Variants in PDE1A observed in about 807,000 individuals in gnomAD.
The protein encoded by PDE1A is dual specificity calcium/calmodulin-dependent 3',5'-cyclic nucleotide phosphodiesterase 1A.
A neutral mutation model predicts 61.7 loss-of-function variants in PDE1A; 35 were observed. The observed-to-expected ratio is 0.57, with a 90% CI of 0.43 to 0.75. The LOEUF (loss-of-function observed/expected upper bound fraction) is 0.75. PDE1A is among the 30% of genes least tolerant of loss of function. The pLI is 0.00. For missense variants in PDE1A, 597 were observed against 630.6 expected (o/e 0.95, Z 0.57); for synonymous variants, 232 against 213.2 (o/e 1.09, Z -0.77).
intron 2 of PDE1A, among the ~76,000 whole-genome samples, chr2:182,462,343 ATG>A (rs1250030148): frequency 6.6e-6 from 1 of 151,092 alleles, no homozygotes; most frequent in Non-Finnish European, 1.5e-5. Context: ...ATATATATAT[ATG>A]TATATCTTAT....
chr2:182,685,223 G>A, the PDE1A span, among the ~76,000 whole-genome samples: 13 of 151,830 alleles, frequency 8.6e-5, no homozygotes, highest in African/African-American at 3.1e-4. Flanking sequence ...TGCTTTTAAT[G>A]CCCAATTAAA....
chr2:182,334,695 G>A (rs1429178691), intron 1 of PDE1A, among the ~76,000 whole-genome samples: 3 of 152,050 alleles, frequency 2.0e-5, no homozygotes, highest in Admixed American at 6.6e-5. Context: ...AGCTGGAAGC[G>A]TTCCCTTTCA....
At chr2:182,645,141 A>C in the PDE1A span, among the ~76,000 whole-genome samples, 1 of 151,976 alleles carries the variant, frequency 6.6e-6, no homozygotes, top group African/African-American at 2.4e-5. Flanking sequence ...GCCCGCCACC[A>C]CACCCAGCTA....
At chr2:182,202,862 T>TA (rs1340496074) in intron 8 of PDE1A, among the ~76,000 whole-genome samples, 1 of 152,308 alleles carries the variant, frequency 6.6e-6, no homozygotes, top group East Asian at 1.9e-4. Flanking sequence ...ACAGATAAGT[T>TA]AAAAAAGTCA....
At chr2:182,403,610 A>G (rs990319759) in intron 1 of PDE1A, among the ~76,000 whole-genome samples, 13 of 151,010 alleles carry the variant, frequency 8.6e-5, no homozygotes, top group African/African-American at 2.7e-4. Flanking sequence ...AAAAAAAAAA[A>G]AAAAGAAAAT....
chr2:182,579,104 T>C, the PDE1A span, among the ~76,000 whole-genome samples: 1 of 152,216 alleles, frequency 6.6e-6, no homozygotes, highest in Non-Finnish European at 1.5e-5. Flanking sequence ...TTTTGAAAGC[T>C]CAGAGCCACT....
intron 1 of PDE1A, among the ~76,000 whole-genome samples, chr2:182,351,173 C>A (rs1293559179): frequency 6.6e-6 from 1 of 152,188 alleles, no homozygotes; most frequent in African/African-American, 2.4e-5. Context: ...TAAACTCCAA[C>A]TTTGCCTCGC....
Position 182,352,652 on chromosome 2 carries a change from TG to T in PDE1A, c.53+73925del, listed in dbSNP as rs769427242. Among the ~76,000 whole-genome samples, 566 of 138,118 alleles carry T rather than the reference TG, an allele frequency of 4.1e-3. 5 individuals are homozygous for T. Among genetic ancestry groups the T allele is most frequent in the Non-Finnish European group, 5.9e-3 (359 of 61,088 alleles). 90.6% of individuals were successfully genotyped at this position (138,118 alleles called of 152,430 possible). A position where few individuals can be genotyped will look rare whatever the true frequency, so the allele number is the denominator to read the frequency against. On this transcript the variant is annotated intron_variant, in intron 1 of 13. Transcript: ENST00000351439. ...TACTGGAAAGTGATGCTCACTCTGT[TG>T]TTTTTTTTTTTTCAGTTAATTTTCC...
intron 1 of PDE1A, among the ~76,000 whole-genome samples, chr2:182,379,323 T>C (rs1164675956): frequency 6.6e-6 from 1 of 152,238 alleles, no homozygotes; most frequent in Non-Finnish European, 1.5e-5. Context: ...TCCTTCTCAC[T>C]CTCTCTTCCA....
chr2:182,419,585 C>A (rs1238908678), intron 1 of PDE1A, among the ~76,000 whole-genome samples: 8 of 152,110 alleles, frequency 5.3e-5, no homozygotes, highest in Non-Finnish European at 1.2e-4. Context: ...ATGTAACTGC[C>A]AGAATTTTCA....
At chr2:182,211,394 A>G (rs890271215) in intron 7 of PDE1A, among the ~76,000 whole-genome samples, 74 of 152,328 alleles carry the variant, frequency 4.9e-4, no homozygotes, top group African/African-American at 1.7e-3. Context: ...CCTTTTATCA[A>G]TACTACACTG....
chr2:182,238,266 C>CAAAAAAAAAAAAAAAAAAAAAAA (rs3063250), intron 3 of PDE1A, among the ~76,000 whole-genome samples: 2 of 98,058 alleles, frequency 2.0e-5, no homozygotes, highest in African/African-American at 4.4e-5. Context: ...CAGACTACGT[C>CAAAAAAAAAAAAAAAAAAAAAAA]AAAAAAAAAA....
chr2:182,650,579 T>C, the PDE1A span, among the ~76,000 whole-genome samples: 1 of 152,086 alleles, frequency 6.6e-6, no homozygotes, highest in Non-Finnish European at 1.5e-5. Flanking sequence ...AGAAAGCATC[T>C]CAAAATTCTG....
chr2:182,466,078 C>T (rs930128913), intron 2 of PDE1A, among the ~76,000 whole-genome samples: 1 of 151,574 alleles, frequency 6.6e-6, no homozygotes, highest in Non-Finnish European at 1.5e-5. Flanking sequence ...TTCTTTATTC[C>T]TAAGGTCTTG....
intron 10 of PDE1A, among the ~76,000 whole-genome samples, chr2:182,194,892 CACA>C: frequency 1.4e-5 from 2 of 141,102 alleles, no homozygotes; most frequent in Non-Finnish European, 3.0e-5. Flanking sequence ...CACACACACA[CACA>C]CACACACACA....
chr2:182,206,875 T>C (rs1687150666), intron 7 of PDE1A, among the ~76,000 whole-genome samples: 1 of 152,168 alleles, frequency 6.6e-6, no homozygotes, highest in East Asian at 1.9e-4. Context: ...CATGTGAAGA[T>C]GTGCTTACTT....
At chr2:182,544,244 T>TA in the PDE1A span, among the ~76,000 whole-genome samples, 2 of 152,134 alleles carry the variant, frequency 1.3e-5, no homozygotes, top group African/African-American at 4.8e-5. Flanking sequence ...CTACTGAAAT[T>TA]AAAGCAGGGC....
chr2:182,543,792 A>G, the PDE1A span, among the ~76,000 whole-genome samples: 1 of 152,174 alleles, frequency 6.6e-6, no homozygotes, highest in South Asian at 2.1e-4. Flanking sequence ...TGTGAGATTT[A>G]TAATTTAACT....
the PDE1A span, among the ~76,000 whole-genome samples, chr2:182,641,383 G>C: frequency 6.6e-6 from 1 of 151,978 alleles, no homozygotes; most frequent in Non-Finnish European, 1.5e-5. Flanking sequence ...TTTACCTGTT[G>C]TCATAGTTAA....
Sources: allele counts gnomAD v4.1 joint callset (sites outside exome capture counted in the v4.1 genomes callset), GRCh38; gene constraint gnomAD v4.1.1; transcripts MANE v1.5; gene names NCBI Gene and HGNC (gene_info 2026-07-23, HGNC 2026-07-21).